Variants in CEP70 observed in about 807,000 individuals in gnomAD.
CEP70 encodes the protein centrosomal protein 70, also known as centrosomal protein of 70 kDa.
In CEP70, 70 loss-of-function variants were observed where a neutral mutation model predicts 90.9. The ratio of observed to expected loss-of-function variants is 0.77; its 90% CI spans 0.64 to 0.94. CEP70 has a LOEUF of 0.94. Ranked by LOEUF, CEP70 falls within the 40% of genes least tolerant of loss-of-function variation. The pLI is 0.00. For missense variants in CEP70, 648 were observed against 669.0 expected (o/e 0.97, Z 0.35); for synonymous variants, 220 against 228.3 (o/e 0.96, Z 0.33).
rs141962605 is a variant in CEP70 at position 138,536,375 on chromosome 3, A to G, written c.635+803T>C. 5.6e-3 allele frequency among the ~76,000 whole-genome samples: 855 copies of G among 152,226 alleles called. 7 individuals carry two copies. Among genetic ancestry groups the G allele is most frequent in the African/African-American group, 0.02 (823 of 41,584 alleles). ...CAATTACATAAATGTTTACACATTC[A>G]AAAGTAAAAATTTAAAAAGCAATCC... On this transcript the variant is annotated intron_variant, in intron 7 of 17. Transcript: ENST00000264982.
chr3:138,560,117 T>C (rs1407445336), intron 6 of CEP70, among the ~76,000 whole-genome samples: 2 of 152,068 alleles, frequency 1.3e-5, no homozygotes, highest in Non-Finnish European at 1.5e-5. Context: ...CCCAGCGAGA[T>C]CGATGCAGAA....
intron 6 of CEP70, among the ~76,000 whole-genome samples, chr3:138,541,235 A>G (rs2038738178): frequency 6.6e-6 from 1 of 152,204 alleles, no homozygotes; most frequent in Admixed American, 6.5e-5. Context: ...TAAAAGTTTA[A>G]TAAATAAGTA....
At chr3:138,496,503 C>T in intron 17 of CEP70, 1 of 985,414 alleles carries the variant, frequency 1.0e-6, no homozygotes, top group Non-Finnish European at 1.2e-6. Flanking sequence ...TGAAATTACA[C>T]CTGTTTTCTC....
intron 12 of CEP70, among the ~76,000 whole-genome samples, chr3:138,507,141 G>C (rs1182420616): frequency 6.6e-6 from 1 of 152,056 alleles, no homozygotes; most frequent in Non-Finnish European, 1.5e-5. Context: ...AAACAAAACA[G>C]TTTTCAGAAA....
chr3:138,533,294 A>G (rs549255921), intron 7 of CEP70, among the ~76,000 whole-genome samples: 1 of 152,060 alleles, frequency 6.6e-6, no homozygotes, highest in Non-Finnish European at 1.5e-5. Flanking sequence ...AGAAAAAAAA[A>G]AAAGAAAGAA....
chr3:138,575,471 C>T (rs2124868), intron 2 of CEP70, among the ~76,000 whole-genome samples: 91,699 of 151,882 alleles, frequency 0.6, 28,263 homozygotes, highest in East Asian at 0.94. Context: ...AAATCTATGT[C>T]TGTTTGGTGT....
chr3:138,561,003 A>G (rs2040369470), intron 6 of CEP70, among the ~76,000 whole-genome samples: 1 of 152,186 alleles, frequency 6.6e-6, no homozygotes, highest in South Asian at 2.1e-4. Flanking sequence ...ATCTCCTAGC[A>G]CGTTCGAGCA....
At chr3:138,527,229 G>A (rs757760254) in intron 10 of CEP70, among the ~76,000 whole-genome samples, 18 of 151,066 alleles carry the variant, frequency 1.2e-4, no homozygotes, top group Non-Finnish European at 2.2e-4. Context: ...GTGGTGGTGT[G>A]ATCACAGCTC....
Position 138,571,170 on chromosome 3 carries a change from A to G in CEP70, c.161-13T>C, listed in dbSNP as rs1560436912. On this transcript the variant is annotated splice_polypyrimidine_tract_variant and intron_variant, in intron 4 of 17. Transcript: ENST00000264982. Reference sequence around the variant, plus strand: ...AAAATGATGAGATCTACATTTAAAAAGTATATAATACAGATAGTAAAAATA... The same window carrying G: ...AAAATGATGAGATCTACATTTAAAAGGTATATAATACAGATAGTAAAAATA... 6 of 1,571,752 alleles carry G rather than the reference A, an allele frequency of 3.8e-6. No individual in the cohort carries two copies. The highest frequency in any genetic ancestry group is 1.8e-4 in the Middle Eastern group (1 of 5,636).
intron 6 of CEP70, among the ~76,000 whole-genome samples, chr3:138,568,834 C>A (rs2040960632): frequency 6.6e-6 from 1 of 151,854 alleles, no homozygotes; most frequent in South Asian, 2.1e-4. Context: ...AAACAATTAG[C>A]CGGGCGTGGT....
intron 11 of CEP70, among the ~76,000 whole-genome samples, chr3:138,521,313 G>A (rs2036601753): frequency 6.6e-6 from 1 of 151,610 alleles, no homozygotes; most frequent in South Asian, 2.1e-4. Context: ...CGCCCAGTCT[G>A]GGAAGTGAGG....
intron 6 of CEP70, among the ~76,000 whole-genome samples, chr3:138,541,547 G>C (rs1159259481): frequency 6.6e-6 from 1 of 152,150 alleles, no homozygotes; most frequent in Non-Finnish European, 1.5e-5. Context: ...CATAAGAAAT[G>C]CTAAAGGGAG....
Position 138,504,825 on chromosome 3 carries a change from G to T in CEP70, c.1221+470C>A, listed in dbSNP as rs79010377. On this transcript the variant is annotated intron_variant, in intron 13 of 17. Coordinates refer to ENST00000264982, the MANE Select transcript of CEP70 (RefSeq NM_024491.4). Reference sequence around the variant, plus strand: ...AGAGAATAAGCAGAAATGGAGATAAGCTCAGTTCTGAGAGACAGAAAATAA... The same window carrying T: ...AGAGAATAAGCAGAAATGGAGATAATCTCAGTTCTGAGAGACAGAAAATAA... Among the ~76,000 whole-genome samples, 260 of 152,254 alleles carry T rather than the reference G, an allele frequency of 1.7e-3. 1 individual carries two copies. The highest frequency in any genetic ancestry group is 5.7e-3 in the African/African-American group (238 of 41,566).
chr3:138,525,478 A>G lies in CEP70; in HGVS notation c.944+12T>C, dbSNP rs764914247. The G allele has an allele frequency of 7.9e-7, 1 of 1,270,894 alleles. No homozygotes were observed. Among genetic ancestry groups the G allele is most frequent in the Non-Finnish European group, 1.0e-6 (1 of 957,202 alleles). 78.7% of individuals were successfully genotyped at this position (1,270,894 alleles called of 1,614,324 possible). A position where few individuals can be genotyped will look rare whatever the true frequency, so the allele number is the denominator to read the frequency against. Reference sequence around the variant, plus strand: ...CTAATAAAAGAGGCAATTTTGGTAAAAATATAATTACTTGACGTTTTTCTT... The same window carrying G: ...CTAATAAAAGAGGCAATTTTGGTAAGAATATAATTACTTGACGTTTTTCTT... On this transcript the variant is annotated intron_variant, in intron 11 of 17. Transcript: ENST00000264982.
chr3:138,577,674 C>T (rs1162428994), intron 2 of CEP70, among the ~76,000 whole-genome samples: 2 of 151,706 alleles, frequency 1.3e-5, no homozygotes, highest in Non-Finnish European at 2.9e-5. Flanking sequence ...TTTTTAAAAA[C>T]CCAAAAGAAG....
In CEP70 at chr3:138,551,007, A is replaced by C. The variant is rs540975608; in HGVS notation, c.466-13660T>G. On this transcript the variant is annotated intron_variant, in intron 6 of 17. Transcript: ENST00000264982. ...GCTAAAGACCTAGACATTCAAATAC[A>C]AGAGGCTCAAAGAACACCTGAGAAA... 9.2e-5 allele frequency among the ~76,000 whole-genome samples: 14 copies of C among 152,324 alleles called. No individual in the cohort carries two copies. The South Asian group carries it at 2.9e-3, about 32-fold the overall frequency.
chr3:138,585,938 A>T (rs1380110848), intron 2 of CEP70, among the ~76,000 whole-genome samples: 1 of 152,218 alleles, frequency 6.6e-6, no homozygotes, highest in Admixed American at 6.5e-5. Context: ...CTACAAAAAA[A>T]TTGGGGAAAC....
rs1262484506 is a variant in CEP70, at chr3:138,524,819, C to A, written c.944+671G>T. ...GAACACTTTTACACTGTTGGTGGAACTGTAAACTAGTTCAACCATTGTGGA... is the reference window on the plus strand; with the variant it reads ...GAACACTTTTACACTGTTGGTGGAAATGTAAACTAGTTCAACCATTGTGGA... On this transcript the variant is annotated intron_variant, in intron 11 of 17. Coordinates refer to ENST00000264982, the MANE Select transcript of CEP70 (RefSeq NM_024491.4). Among the ~76,000 whole-genome samples, 6 of 152,178 alleles carry A rather than the reference C, an allele frequency of 3.9e-5. No homozygotes were observed. The South Asian group carries it at 1.0e-3, about 26-fold the overall frequency.
intron 17 of CEP70, chr3:138,497,328 CT>C (rs1405520386): frequency 4.2e-5 from 51 of 1,224,836 alleles, no homozygotes; most frequent in East Asian, 1.8e-4. Context: ...AAGAGCCATT[CT>C]TTAAAAAAAA....
Sources: allele counts gnomAD v4.1 joint callset (sites outside exome capture counted in the v4.1 genomes callset), GRCh38; gene constraint gnomAD v4.1.1; transcripts MANE v1.5; gene names NCBI Gene and HGNC (gene_info 2026-07-23, HGNC 2026-07-21).